Variants in KCNQ1 observed in about 807,000 individuals in gnomAD.
KCNQ1 encodes potassium voltage-gated channel subfamily KQT member 1.
A neutral mutation model predicts 72.4 loss-of-function variants in KCNQ1; 49 were observed. That is an observed-to-expected ratio of 0.68 (90% CI 0.54 to 0.86). The LOEUF (loss-of-function observed/expected upper bound fraction) is 0.86, where lower values mean the gene tolerates loss of function less well. KCNQ1 is among the 40% of genes least tolerant of loss of function. The probability of loss-of-function intolerance (pLI) is 0.00; values close to 1 mark genes in which losing one functional copy is unlikely to be tolerated. For missense variants in KCNQ1, 790 were observed against 945.1 expected (o/e 0.84, Z 2.15); for synonymous variants, 450 against 412.6 (o/e 1.09, Z -1.10).
chr11:2,644,751 A>C, intron 10 of KCNQ1: 1 of 398,570 alleles, frequency 2.5e-6, no homozygotes, highest in Non-Finnish European at 4.4e-6. Context: ...TGGGCAGGGC[A>C]CTTTGGTTTT....
intron 1 of KCNQ1, among the ~76,000 whole-genome samples, chr11:2,527,091 G>T (rs1847523425): frequency 6.6e-6 from 1 of 152,192 alleles, no homozygotes; most frequent in Non-Finnish European, 1.5e-5. Flanking sequence ...TATGGTTCCG[G>T]CGATCAGAGA....
In KCNQ1 at chr11:2,559,239, A is replaced by G. The variant is rs912233373; in HGVS notation, c.478-11389A>G. The stretch of plus-strand genomic sequence containing the variant: ...CCCGGGAAGCCCGTGGAGAGGATGC[A>G]TTCGACACCCAAGGCCTTATGGAAT... On this transcript the variant is annotated intron_variant, in intron 2 of 15. Coordinates refer to ENST00000155840, the MANE Select transcript of KCNQ1 (RefSeq NM_000218.3). The surrounding 1 kb of genome is among the most constrained non-coding windows in gnomAD (Gnocchi z 4.9). 6.6e-6 allele frequency among the ~76,000 whole-genome samples: 1 copy of G among 152,132 alleles called. No individual in the cohort carries two copies. Among genetic ancestry groups the G allele is most frequent in the Non-Finnish European group, 1.5e-5 (1 of 68,010 alleles).
intron 15 of KCNQ1, among the ~76,000 whole-genome samples, chr11:2,798,628 C>T (rs993333798): frequency 6.6e-6 from 1 of 151,616 alleles, no homozygotes; most frequent in African/African-American, 2.4e-5. Context: ...TTCGTGTAAA[C>T]AACAGCTTGA....
chr11:2,698,021 A>G lies in KCNQ1; in HGVS notation c.1514+35940A>G. 1 of 398,662 alleles carries G rather than the reference A, an allele frequency of 2.5e-6. No individual in the cohort carries two copies. Among genetic ancestry groups the G allele is most frequent in the Non-Finnish European group, 4.4e-6 (1 of 226,072 alleles). The allele number at this position is 398,662 out of a possible 1,614,324, so 24.7% of individuals were successfully genotyped here. On this transcript the variant is annotated intron_variant, in intron 11 of 15. Coordinates refer to ENST00000155840, the MANE Select transcript of KCNQ1 (RefSeq NM_000218.3). The surrounding 1 kb of genome is among the most constrained non-coding windows in gnomAD (Gnocchi z 5.1). ...GAGTATCTGGAAAACAGGTGCAGAA[A>G]TGGATCATTTGAGACACCATAGAAA...
chr11:2,453,464 G>A (rs1846143786), intron 1 of KCNQ1, among the ~76,000 whole-genome samples: 2 of 152,180 alleles, frequency 1.3e-5, no homozygotes, highest in Admixed American at 1.3e-4. Context: ...GTTTACTACA[G>A]AAAGAGTTTC....
chr11:2,659,184 C>T lies in KCNQ1; in HGVS notation c.1394-2777C>T, dbSNP rs1404263179. 2.5e-6 allele frequency: 1 copy of T among 398,468 alleles called. No homozygotes were observed. The highest frequency in any genetic ancestry group is 4.4e-6 in the Non-Finnish European group (1 of 226,056). 24.7% of individuals were successfully genotyped at this position (398,468 alleles called of 1,614,324 possible). On this transcript the variant is annotated intron_variant, in intron 10 of 15. Coordinates refer to ENST00000155840, the MANE Select transcript of KCNQ1 (RefSeq NM_000218.3). The surrounding 1 kb of genome is among the most constrained non-coding windows in gnomAD (Gnocchi z 4.3). ...GTGGGTTTTGACAGATGTCTGGAGT[C>T]ATGTGTCCACAATCCAGTATCATTC...
At chr11:2,722,289 CTA>C (rs1160527854) in intron 11 of KCNQ1, among the ~76,000 whole-genome samples, 3 of 152,058 alleles carry the variant, frequency 2.0e-5, no homozygotes, top group Non-Finnish European at 4.4e-5. Context: ...TAGGAAAGGA[CTA>C]TGGGAGGCCA....
chr11:2,590,145 C>T (rs1413691205), intron 10 of KCNQ1, among the ~76,000 whole-genome samples: 2 of 152,204 alleles, frequency 1.3e-5, no homozygotes, highest in Non-Finnish European at 2.9e-5. Flanking sequence ...GTCCTCTGAG[C>T]CCAGCGTGGG....
At position 2,724,882 on chromosome 11, in the gene KCNQ1, GA is replaced by G. The variant is rs1390505763; in HGVS notation, c.1515-43960del. Among the ~76,000 whole-genome samples, 1 of 152,206 alleles carries G rather than the reference GA, an allele frequency of 6.6e-6. No homozygotes were observed. The highest frequency in any genetic ancestry group is 1.5e-5 in the Non-Finnish European group (1 of 68,042). ...CTCAGCGTTCTCAACTGTGAAATGG[GA>G]ACACGGTGGTCTCTGTCACAGGGTA... On this transcript the variant is annotated intron_variant, in intron 11 of 15. Transcript: ENST00000155840. This position sits in a 1 kb window ranked among gnomAD's most constrained non-coding sequence, Gnocchi z 6.8.
intron 10 of KCNQ1, chr11:2,641,753 A>G: frequency 2.5e-6 from 1 of 398,432 alleles, no homozygotes; most frequent in East Asian, 3.6e-5. Context: ...CTTCATTAAT[A>G]GTGATGTTAT....
rs180761537 is a variant in KCNQ1 at position 2,813,889 on chromosome 11, G to A, written c.1795-33878G>A. Among the ~76,000 whole-genome samples, 5 of 152,180 alleles carry A rather than the reference G, an allele frequency of 3.3e-5. No individual in the cohort carries two copies. Among genetic ancestry groups the A allele is most frequent in the East Asian group, 1.9e-4 (1 of 5,160 alleles). ...GAGGGAGGGTTGCAGAAAGGGATGC[G>A]TGGAAGGATGGTTGATGGATGGATG... On this transcript the variant is annotated intron_variant, in intron 15 of 15. Transcript: ENST00000155840. The surrounding 1 kb of genome is among the most constrained non-coding windows in gnomAD (Gnocchi z 4.4).
At position 2,507,756 on chromosome 11, in the gene KCNQ1, T is replaced by C. The variant is rs3819511; in HGVS notation, c.387-20172T>C. 0.44 allele frequency among the ~76,000 whole-genome samples: 66,718 copies of C among 151,732 alleles called. 15,854 individuals are homozygous for C. Among genetic ancestry groups the C allele is most frequent in the Non-Finnish European group, 0.55 (37,475 of 67,898 alleles). On this transcript the variant is annotated intron_variant, in intron 1 of 15. Coordinates refer to ENST00000155840, the MANE Select transcript of KCNQ1 (RefSeq NM_000218.3). The surrounding 1 kb of genome is among the most constrained non-coding windows in gnomAD (Gnocchi z 5.4). ...GTGTAAATGACATGAGCGCAGGGGC[T>C]AGACAGGGCCTCCTGTAGCCTGGGT... is the stretch of plus-strand genomic sequence containing the variant.
chr11:2,672,659 G>C (rs1199078697), intron 11 of KCNQ1: 1 of 398,732 alleles, frequency 2.5e-6, no homozygotes, highest in Non-Finnish European at 4.4e-6. Flanking sequence ...GACCAGATAT[G>C]ATAGGACCTT....
At chr11:2,454,703 CTT>C (rs1846161699) in intron 1 of KCNQ1, among the ~76,000 whole-genome samples, 2 of 152,132 alleles carry the variant, frequency 1.3e-5, no homozygotes, top group South Asian at 2.1e-4. Flanking sequence ...TAGAAAAAAA[CTT>C]TTGATAAAAT....
Position 2,484,902 on chromosome 11 carries a change from T to G in KCNQ1, c.386+39418T>G. ...ATTCTCTCTCTTTGTTGTAACACCT[T>G]TCTTCAATAGTGAGAAACCTGGCTC... On this transcript the variant is annotated intron_variant, in intron 1 of 15. Transcript: ENST00000155840. The surrounding 1 kb of genome is among the most constrained non-coding windows in gnomAD (Gnocchi z 5.2). Among the ~76,000 whole-genome samples, 1 of 152,200 alleles carries G rather than the reference T, an allele frequency of 6.6e-6. No individual in the cohort carries two copies. Among genetic ancestry groups the G allele is most frequent in the Non-Finnish European group, 1.5e-5 (1 of 68,040 alleles).
intron 1 of KCNQ1, among the ~76,000 whole-genome samples, chr11:2,448,113 C>T (rs1205531658): frequency 1.3e-5 from 2 of 152,250 alleles, no homozygotes; most frequent in African/African-American, 4.8e-5. Flanking sequence ...CCATACAGCC[C>T]TGCTGCACCC....
At chr11:2,843,298 G>A (rs996866225) in intron 15 of KCNQ1, among the ~76,000 whole-genome samples, 2 of 152,232 alleles carry the variant, frequency 1.3e-5, no homozygotes, top group African/African-American at 2.4e-5. Flanking sequence ...CACAGGAGCC[G>A]GGTCTGACAT....
Position 2,624,967 on chromosome 11 carries a change from T to A in KCNQ1, c.1393+36113T>A, listed in dbSNP as rs925545100. On this transcript the variant is annotated intron_variant, in intron 10 of 15. Coordinates refer to ENST00000155840, the MANE Select transcript of KCNQ1 (RefSeq NM_000218.3). The surrounding 1 kb of genome is among the most constrained non-coding windows in gnomAD (Gnocchi z 4.9). ...TATTACATTGTATGTATATACCACA[T>A]TTTGCTTATCCATTCTTCCATGGAC... The A allele has an allele frequency of 5.3e-5, 21 of 398,490 alleles. No homozygotes were observed. Among genetic ancestry groups the A allele is most frequent in the Non-Finnish European group, 8.0e-5 (18 of 226,072 alleles). 24.7% of individuals were successfully genotyped at this position (398,490 alleles called of 1,614,324 possible).
Position 2,687,675 on chromosome 11 carries a change from G to T in KCNQ1, c.1514+25594G>T, listed in dbSNP as rs1247308499. 1 of 398,576 alleles carries T rather than the reference G, an allele frequency of 2.5e-6. No homozygotes were observed. The highest frequency in any genetic ancestry group is 4.4e-5 in the Admixed American group (1 of 22,726). The allele number at this position is 398,576 out of a possible 1,614,324, so 24.7% of individuals were successfully genotyped here. A position where few individuals can be genotyped will look rare whatever the true frequency, so the allele number is the denominator to read the frequency against. On this transcript the variant is annotated intron_variant, in intron 11 of 15. Transcript: ENST00000155840. This position sits in a 1 kb window ranked among gnomAD's most constrained non-coding sequence, Gnocchi z 5.0. ...CCTGTCCTTGCCAGCCAGGTCTCAG[G>T]GAGCTCAGGGTTCAGTGTTGGAATG...
Sources: gnomAD v4.1 joint callset for allele counts (sites outside exome capture counted in the v4.1 genomes callset) on GRCh38, gnomAD v4.1.1 for gene constraint, Gnocchi (gnomAD v3.1) non-coding constraint, MANE v1.5 for transcripts, NCBI Gene and HGNC (gene_info 2026-07-23, HGNC 2026-07-21) for gene names.